WDR72: variants seen among roughly 807,000 people sequenced by gnomAD.
WDR72 encodes the protein WD repeat domain 72.
Under a neutral mutation model 124.2 loss-of-function variants are expected in WDR72, and 120 were observed. The observed-to-expected ratio is 0.97, with a 90% CI of 0.83 to 1.12. WDR72 has a LOEUF of 1.12. WDR72 is among the 50% of genes most tolerant of loss of function. The pLI is 0.00. For synonymous variants in WDR72, 452 were observed against 441.7 expected (o/e 1.02, Z -0.29); for missense variants, 1,387 against 1,278.8 (o/e 1.08, Z -1.29).
At chr15:53,692,776 G>A (rs924955683) in intron 13 of WDR72, among the ~76,000 whole-genome samples, 3 of 152,116 alleles carry the variant, frequency 2.0e-5, no homozygotes, top group African/African-American at 7.2e-5. Context: ...AAAGGAGACA[G>A]AAACAAAGAT....
At position 53,604,658 on chromosome 15, in the gene WDR72, G is replaced by A. The variant is rs553067504; in HGVS notation, c.2952+4855C>T. ...AAGAAAAAAAACTCTATTAAAACAT[G>A]GGCAAAGGAAATGAACAGACACTTT... On this transcript the variant is annotated intron_variant, in intron 17 of 19. Transcript: ENST00000360509. 3.9e-5 allele frequency among the ~76,000 whole-genome samples: 6 copies of A among 152,104 alleles called. No homozygotes were observed. The South Asian group carries it at 1.2e-3, about 32-fold the overall frequency.
intron 13 of WDR72, among the ~76,000 whole-genome samples, chr15:53,684,791 C>T (rs1183582611): frequency 6.6e-6 from 1 of 151,546 alleles, no homozygotes; most frequent in Non-Finnish European, 1.5e-5. Context: ...GCAGTAACCT[C>T]TGCAGACTTA....
intron 3 of WDR72, among the ~76,000 whole-genome samples, chr15:53,720,587 G>C (rs1395748803): frequency 2.0e-5 from 3 of 152,120 alleles, no homozygotes; most frequent in Admixed American, 6.5e-5. Context: ...TTTCAAAAGT[G>C]TTTTTGTTGG....
intron 1 of WDR72, among the ~76,000 whole-genome samples, chr15:53,738,598 G>A (rs962439764): frequency 1.3e-5 from 2 of 151,926 alleles, no homozygotes; most frequent in Non-Finnish European, 2.9e-5. Context: ...TTGTTTGTTT[G>A]TTTGTTTGTT....
At chr15:53,655,446 T>C (rs1415700324) in intron 14 of WDR72, among the ~76,000 whole-genome samples, 10 of 152,068 alleles carry the variant, frequency 6.6e-5, no homozygotes, top group Admixed American at 2.0e-4. Flanking sequence ...AATAATTTTC[T>C]CATTTGAGCC....
chr15:53,609,841 T>TACACACAC (rs1385892002), intron 16 of WDR72, among the ~76,000 whole-genome samples: 3 of 39,562 alleles, frequency 7.6e-5, no homozygotes, highest in African/African-American at 1.2e-4. Flanking sequence ...TGTGTACATT[T>TACACACAC]ATACACACAC....
At chr15:53,613,628 A>C in intron 16 of WDR72, 38 bp downstream of exon 16, 1 of 1,445,266 alleles carries the variant, frequency 6.9e-7, no homozygotes, top group Non-Finnish European at 9.7e-7. Flanking sequence ...TCACAGAAAA[A>C]AAAAATCAGA....
chr15:53,730,472 G>C (rs909433866), intron 2 of WDR72, among the ~76,000 whole-genome samples: 1 of 152,134 alleles, frequency 6.6e-6, no homozygotes, highest in African/African-American at 2.4e-5. Flanking sequence ...AAGTGTTCCT[G>C]GTTTGTTTTT....
At position 53,615,871 on chromosome 15, in the gene WDR72, G is replaced by A; in HGVS notation, c.2335C>T (p.Gln779Ter). Residue 779 changes from glutamine (Q) to a stop codon, truncating the protein, a stop_gained, in exon 15 of 20, where the codon CAG (glutamine) becomes TAG (stop). Transcript: ENST00000360509. LOFTEE classifies it high-confidence loss of function. ...QKKMKISKKM[Q>*]PKPSRKVDAS... ...TCTACTTTTCTTGATGGCTTAGGCT[G>A]CATTTTTTTGGAGATCTTCATTTTC... is the stretch of plus-strand genomic sequence containing the variant. 1 of 1,613,544 alleles carries A rather than the reference G, an allele frequency of 6.2e-7. No individual in the cohort carries two copies. Among genetic ancestry groups the A allele is most frequent in the Non-Finnish European group, 8.5e-7 (1 of 1,179,678 alleles).
chr15:53,630,135 A>T (rs1238224823), intron 14 of WDR72, among the ~76,000 whole-genome samples: 9 of 152,214 alleles, frequency 5.9e-5, no homozygotes, highest in Non-Finnish European at 1.2e-4. Context: ...TTTTAAAAAG[A>T]CATAAACGAC....
intron 13 of WDR72, among the ~76,000 whole-genome samples, chr15:53,667,041 T>C (rs1025726823): frequency 6.6e-6 from 1 of 152,216 alleles, no homozygotes; most frequent in Non-Finnish European, 1.5e-5. Flanking sequence ...TCTTCTAAGC[T>C]TTCCTTTTCC....
chr15:53,575,580 T>G (rs1894722911), intron 18 of WDR72, among the ~76,000 whole-genome samples: 1 of 152,142 alleles, frequency 6.6e-6, no homozygotes, highest in Non-Finnish European at 1.5e-5. Flanking sequence ...ATTGTTTTTT[T>G]AGGCATACAG....
intron 18 of WDR72, among the ~76,000 whole-genome samples, chr15:53,561,754 C>T (rs1894130877): frequency 6.6e-6 from 1 of 151,740 alleles, no homozygotes; most frequent in Admixed American, 6.6e-5. Context: ...ACCTGAGGAC[C>T]TCTTAGAAAA....
chr15:53,561,952 G>A lies in WDR72; in HGVS notation c.3148+35127C>T, dbSNP rs182934284. 4.4e-3 allele frequency among the ~76,000 whole-genome samples: 671 copies of A among 151,882 alleles called. 3 individuals are homozygous for A. The highest frequency in any genetic ancestry group is 6.9e-3 in the Non-Finnish European group (468 of 67,826). ...TTATGGTAGCCACTAGAAAGCTCAA[G>A]TAGTTAACATGAATCTTTTTAGGTA... is the stretch of plus-strand genomic sequence containing the variant. On this transcript the variant is annotated intron_variant, in intron 18 of 19. Transcript: ENST00000360509.
At chr15:53,580,770 T>C (rs1405855894) in intron 18 of WDR72, among the ~76,000 whole-genome samples, 1 of 151,954 alleles carries the variant, frequency 6.6e-6, no homozygotes, top group Non-Finnish European at 1.5e-5. Context: ...GAGGTAATTA[T>C]GGCAAGTATT....
chr15:53,650,622 G>A (rs1205788024), intron 14 of WDR72, among the ~76,000 whole-genome samples: 2 of 151,884 alleles, frequency 1.3e-5, no homozygotes, highest in Non-Finnish European at 2.9e-5. Flanking sequence ...GTTCCTTATG[G>A]CAAAATCTTA....
intron 1 of WDR72, among the ~76,000 whole-genome samples, chr15:53,753,338 G>A (rs1334813996): frequency 2.0e-5 from 3 of 152,184 alleles, no homozygotes; most frequent in African/African-American, 7.2e-5. Flanking sequence ...TAATGCCCAC[G>A]ATTCTAGTGT....
At chr15:53,563,726 CAT>C (rs1894202699) in intron 18 of WDR72, among the ~76,000 whole-genome samples, 1 of 151,580 alleles carries the variant, frequency 6.6e-6, no homozygotes, top group East Asian at 1.9e-4. Flanking sequence ...GGTTGGATGA[CAT>C]AAAGAGCACA....
intron 13 of WDR72, among the ~76,000 whole-genome samples, chr15:53,679,420 A>G (rs1184181496): frequency 6.6e-6 from 1 of 152,256 alleles, no homozygotes. Flanking sequence ...CAAGGAAAAG[A>G]AAACTTTGAG....
Sources: allele counts gnomAD v4.1 joint callset (sites outside exome capture counted in the v4.1 genomes callset), GRCh38; gene constraint gnomAD v4.1.1; transcripts MANE v1.5; gene names NCBI Gene and HGNC (gene_info 2026-07-23, HGNC 2026-07-21).